Variants in ATP2C2 observed in about 807,000 individuals in gnomAD.
ATP2C2 encodes the protein ATPase secretory pathway Ca2+ transporting 2, also known as calcium-transporting ATPase type 2C member 2.
Under a neutral mutation model 110.8 loss-of-function variants are expected in ATP2C2, and 171 were observed. The ratio of observed to expected loss-of-function variants is 1.54; its 90% CI spans 1.36 to 1.75. The LOEUF (loss-of-function observed/expected upper bound fraction) is 1.75, where lower values mean the gene tolerates loss of function less well. Ranked by LOEUF, ATP2C2 falls within the 40% of genes most tolerant of loss-of-function variation. ATP2C2 has a pLI of 0.00. For synonymous variants in ATP2C2, 804 were observed against 508.4 expected, an observed-to-expected ratio of 1.58 and a Z score of -7.82; for missense variants, 1,963 against 1,235.0, an observed-to-expected ratio of 1.59 and a Z score of -8.84.
chr16:84,463,729 G>C lies in ATP2C2; in HGVS notation c.2838G>C (p.Val946=). The change falls in exon 27 of 27, where the codon GTG becomes GTC. Residue 946 remains valine (V), a synonymous_variant. Coordinates refer to ENST00000262429, the MANE Select transcript of ATP2C2 (RefSeq NM_014861.4). The part of the protein sequence containing the change: ...PKRVQMHPED[V] ...GAGTCCAGATGCACCCTGAAGATGT[G>C]TAGTGGACCGCACTCCGCGGCACCT... 1 of 1,609,956 alleles carries C rather than the reference G, an allele frequency of 6.2e-7. No individual in the cohort carries two copies. Among genetic ancestry groups the C allele is most frequent in the South Asian group, 1.1e-5 (1 of 90,998 alleles).
At position 84,459,289 on chromosome 16, in the gene ATP2C2, C is replaced by G. The variant is rs749187887; in HGVS notation, c.2236C>G (p.Leu746Val). ...CCGCAGGAGCATCTCCGCCCTGAGT[C>G]TCATCACTCTGTCCACCGTGTTCAA... The part of the protein sequence containing the change: ...QLSTSISALS[L>V]ITLSTVFNLP... The change falls in exon 23 of 27, where the codon CTC becomes GTC. Residue 746 changes from leucine to valine, a missense_variant. Coordinates refer to ENST00000262429, the MANE Select transcript of ATP2C2 (RefSeq NM_014861.4). The G allele has an allele frequency of 5.4e-5, 87 of 1,614,094 alleles. No individual in the cohort carries two copies. Among genetic ancestry groups the G allele is most frequent in the Non-Finnish European group, 7.3e-5 (86 of 1,180,034 alleles).
chr16:84,444,459 C>A (rs755674223), intron 15 of ATP2C2, among the ~76,000 whole-genome samples: 2 of 152,152 alleles, frequency 1.3e-5, no homozygotes, highest in Admixed American at 6.5e-5. Context: ...GGTGACAGAG[C>A]AAGACTCCGT....
At chr16:84,430,114 G>C (rs148341265) in intron 11 of ATP2C2, among the ~76,000 whole-genome samples, 3 of 152,180 alleles carry the variant, frequency 2.0e-5, no homozygotes, top group Non-Finnish European at 4.4e-5. Flanking sequence ...CAAAGGCCCT[G>C]TTTGCACATA....
chr16:84,460,493 A>G, intron 23 of ATP2C2, 161 bp from the exon 24 acceptor site: 1 of 935,738 alleles, frequency 1.1e-6, no homozygotes, highest in Non-Finnish European at 1.7e-6. Context: ...GGCTTCTGGA[A>G]GGTGCCGAGG....
At chr16:84,399,358 C>T (rs1409244391) in intron 2 of ATP2C2, among the ~76,000 whole-genome samples, 1 of 152,164 alleles carries the variant, frequency 6.6e-6, no homozygotes, top group Non-Finnish European at 1.5e-5. Context: ...TGCATATTAT[C>T]CCTAGCTAGA....
chr16:84,411,952 C>G (rs184866187), intron 6 of ATP2C2, among the ~76,000 whole-genome samples: 41 of 151,218 alleles, frequency 2.7e-4, no homozygotes, highest in Admixed American at 6.6e-4. Context: ...TCTTTTCTTT[C>G]TTTTCTTTCT....
intron 9 of ATP2C2, among the ~76,000 whole-genome samples, 162 bp downstream of exon 9, chr16:84,422,859 T>C (rs772170428): frequency 1.4e-4 from 21 of 152,046 alleles, no homozygotes; most frequent in Non-Finnish European, 2.1e-4. Context: ...GAGACAGGGT[T>C]TCGCCATGTT....
Position 84,418,934 on chromosome 16 carries a change from C to T in ATP2C2, c.624+3343C>T, listed in dbSNP as rs187364651. On this transcript the variant is annotated intron_variant, in intron 7 of 26. Coordinates refer to ENST00000262429, the MANE Select transcript of ATP2C2 (RefSeq NM_014861.4). The stretch of plus-strand genomic sequence containing the variant: ...ATCAACAGTGCTAACAGGGTCCAGG[C>T]GCGGTGGCTCACTCCTGTAATCCCA... 2.4e-3 allele frequency among the ~76,000 whole-genome samples: 368 copies of T among 152,176 alleles called. 1 individual carries two copies. The highest frequency in any genetic ancestry group is 8.5e-3 in the African/African-American group (354 of 41,516).
chr16:84,439,217 G>A lies in ATP2C2; in HGVS notation c.1038G>A (p.Thr346=), dbSNP rs753223933. Residue 346 remains threonine, a synonymous_variant, in exon 12 of 27, where the codon ACG becomes ACA. Transcript: ENST00000262429. ...PEGLPIVVMV[T]LVLGVLRMAK... Reference sequence around the variant, plus strand: ...GTCTGCCCATCGTCGTCATGGTGACGCTGGTCCTGGGAGTGCTGCGGATGG... The same window carrying A: ...GTCTGCCCATCGTCGTCATGGTGACACTGGTCCTGGGAGTGCTGCGGATGG... The A allele has an allele frequency of 9.1e-5, 146 of 1,612,178 alleles. 1 individual carries two copies. In the South Asian group the frequency reaches 1.6e-3, roughly 17 times the overall value.
Position 84,438,659 on chromosome 16 carries a change from G to A in ATP2C2, c.987-507G>A, listed in dbSNP as rs147235234. On this transcript the variant is annotated intron_variant, in intron 11 of 26. Coordinates refer to ENST00000262429, the MANE Select transcript of ATP2C2 (RefSeq NM_014861.4). ...AAACAGATCCACGCAGCAGGCAAGT[G>A]TGTCGCTGTGGCCCTTCACCTGCCC... Among the ~76,000 whole-genome samples, 10 of 152,280 alleles carry A rather than the reference G, an allele frequency of 6.6e-5. No homozygotes were observed. The East Asian group carries it at 9.7e-4, about 15-fold the overall frequency.
In ATP2C2 at chr16:84,416,405, G is replaced by C. The variant is rs1329320681; in HGVS notation, c.624+814G>C. ...TTTGCATGATGAAGAATTAGACACA[G>C]ATTATCTGCCTGATTTATTTACTGA... is the stretch of plus-strand genomic sequence containing the variant. On this transcript the variant is annotated intron_variant, in intron 7 of 26. Coordinates refer to ENST00000262429, the MANE Select transcript of ATP2C2 (RefSeq NM_014861.4). Among the ~76,000 whole-genome samples, 4 of 152,238 alleles carry C rather than the reference G, an allele frequency of 2.6e-5. No individual in the cohort carries two copies. In the East Asian group the frequency reaches 7.7e-4, roughly 29 times the overall value.
intron 7 of ATP2C2, among the ~76,000 whole-genome samples, chr16:84,419,883 C>T (rs1907173703): frequency 6.6e-6 from 1 of 152,156 alleles, no homozygotes; most frequent in South Asian, 2.1e-4. Flanking sequence ...TACTGGGAAT[C>T]CTGGATTTCC....
At chr16:84,434,951 G>A (rs1908608264) in intron 11 of ATP2C2, among the ~76,000 whole-genome samples, 1 of 152,204 alleles carries the variant, frequency 6.6e-6, no homozygotes, top group Non-Finnish European at 1.5e-5. Context: ...TTGCTTAGCT[G>A]GTCTTCACAG....
At chr16:84,456,478 G>A (rs1230561742) in intron 21 of ATP2C2, among the ~76,000 whole-genome samples, 45 of 140,724 alleles carry the variant, frequency 3.2e-4, no homozygotes, top group African/African-American at 1.2e-3. Flanking sequence ...CATAGTGTTG[G>A]AAGTTCTGGC....
rs535930347 is a variant in ATP2C2, at chr16:84,379,514, C to T, written c.99+10800C>T. Among the ~76,000 whole-genome samples the T allele has an allele frequency of 1.4e-4, 21 of 152,310 alleles. No homozygotes were observed. The South Asian group carries it at 2.7e-3, about 20-fold the overall frequency. On this transcript the variant is annotated intron_variant, in intron 1 of 26. Transcript: ENST00000262429. ...CCTCCAAGTGTGGGCTGGGGACCAA[C>T]AGTGTGAGCATCACCTGGGAGCTTG...
chr16:84,414,685 A>G (rs1268553423), intron 6 of ATP2C2, among the ~76,000 whole-genome samples: 2 of 152,270 alleles, frequency 1.3e-5, no homozygotes, highest in African/African-American at 4.8e-5. Flanking sequence ...TTAACAAGGA[A>G]GAGGGGAATT....
At chr16:84,459,562 G>A (rs1326116899) in intron 23 of ATP2C2, 176 bp downstream of exon 23, 7 of 1,537,214 alleles carry the variant, frequency 4.6e-6, no homozygotes, top group Non-Finnish European at 2.6e-6. Context: ...GTAGAAGGCA[G>A]AGGAGAAAGT....
chr16:84,382,070 T>C (rs55857230), intron 1 of ATP2C2, among the ~76,000 whole-genome samples: 20,429 of 152,190 alleles, frequency 0.13, 1,764 homozygotes, highest in South Asian at 0.27. Flanking sequence ...CGTGCCATGG[T>C]GGTTTGCTGC....
chr16:84,410,564 C>A lies in ATP2C2; in HGVS notation c.418-4C>A. 6.2e-7 allele frequency: 1 copy of A among 1,613,918 alleles called. No homozygotes were observed. The stretch of plus-strand genomic sequence containing the variant: ...ACTGACACCCTCCTCCGTTTGCTGT[C>A]TAGGCAGTGCTTGTCGTGGTCACTG... On this transcript the variant is annotated splice_region_variant and splice_polypyrimidine_tract_variant and intron_variant, in intron 4 of 26. Transcript: ENST00000262429.
Sources: gnomAD v4.1 joint callset for allele counts (sites outside exome capture counted in the v4.1 genomes callset) on GRCh38, gnomAD v4.1.1 for gene constraint, MANE v1.5 for transcripts, NCBI Gene and HGNC (gene_info 2026-07-23, HGNC 2026-07-21) for gene names.